The following QTGAL variants were observed in gnomAD, a reference collection of about 807,000 sequenced individuals.
QTGAL encodes the protein queuosine-tRNA galactosyltransferase.
the QTGAL span, chr17:82,942,452 G>T: frequency 6.2e-7 from 1 of 1,613,968 alleles, no homozygotes; most frequent in Non-Finnish European, 8.5e-7. Flanking sequence ...TCTTCAGCCT[G>T]GTGCCTGCTG....
At chr17:82,944,464 G>A in the QTGAL span, 9 of 152,248 alleles carry the variant, frequency 5.9e-5, no homozygotes, top group African/African-American at 2.2e-4. Context: ...ATCAAGGCAG[G>A]CAACACTGAG....
At chr17:82,974,760 C>A in the QTGAL span, among the ~76,000 whole-genome samples, 1 of 152,182 alleles carries the variant, frequency 6.6e-6, no homozygotes, top group Non-Finnish European at 1.5e-5. Flanking sequence ...GAGCTGGGTC[C>A]CCCCCACAGC....
the QTGAL span, among the ~76,000 whole-genome samples, chr17:83,027,579 G>A: frequency 1.3e-5 from 2 of 151,714 alleles, no homozygotes; most frequent in African/African-American, 2.4e-5. Flanking sequence ...GATCATGCCT[G>A]TAATCTCCAT....
the QTGAL span, among the ~76,000 whole-genome samples, chr17:83,001,425 G>GA: frequency 6.6e-6 from 1 of 152,102 alleles, no homozygotes; most frequent in Admixed American, 6.5e-5. Flanking sequence ...AAACTGTGAA[G>GA]AAAAAAGGAA....
At chr17:83,050,930 A>G in the QTGAL span, among the ~76,000 whole-genome samples, 1 of 150,358 alleles carries the variant, frequency 6.7e-6, no homozygotes, top group Admixed American at 6.6e-5. Context: ...GTGTGCAGGC[A>G]CAAGACGTGT....
chr17:83,037,905 T>C, the QTGAL span, among the ~76,000 whole-genome samples: 4 of 152,170 alleles, frequency 2.6e-5, no homozygotes, highest in East Asian at 1.9e-4. This position sits in a 1 kb window ranked among gnomAD's most constrained non-coding sequence, Gnocchi z 5.2. Context: ...GGGCTCCTGC[T>C]TGGGGAGGCC....
the QTGAL span, chr17:82,942,775 C>T: frequency 3.2e-5 from 15 of 473,300 alleles, no homozygotes; most frequent in South Asian, 3.7e-4. Context: ...AGGGGTCAGC[C>T]AGAGGGGAGG....
chr17:82,953,176 C>T, the QTGAL span, among the ~76,000 whole-genome samples: 1 of 151,980 alleles, frequency 6.6e-6, no homozygotes, highest in Non-Finnish European at 1.5e-5. Context: ...TAGCAAAAGA[C>T]AAGCAAGATC....
chr17:83,007,164 G>A, the QTGAL span: 1 of 942,420 alleles, frequency 1.1e-6, no homozygotes, highest in Non-Finnish European at 1.3e-6. Flanking sequence ...CTCGGCCATG[G>A]CTGTGTAATT....
chr17:82,957,088 G>A, the QTGAL span: 35 of 1,536,396 alleles, frequency 2.3e-5, no homozygotes, highest in Non-Finnish European at 3.0e-5. Context: ...CGGCCCAGGT[G>A]GACTCTGCCA....
At chr17:83,009,961 GGGGAGCTGTGGGGGAA>G in the QTGAL span, among the ~76,000 whole-genome samples, 84 of 147,766 alleles carry the variant, frequency 5.7e-4, 2 homozygotes, top group East Asian at 0.011. Flanking sequence ...CTGTGGGGGA[GGGGAGCTGTGGGGGAA>G]GGGAGCTGTG....
the QTGAL span, chr17:83,007,157 G>C: frequency 1.1e-6 from 1 of 924,902 alleles, no homozygotes; most frequent in Non-Finnish European, 1.3e-6. Context: ...AAACGTGCTC[G>C]GCCATGGCTG....
At chr17:82,964,403 G>C in the QTGAL span, among the ~76,000 whole-genome samples, 3 of 152,082 alleles carry the variant, frequency 2.0e-5, no homozygotes, top group African/African-American at 7.2e-5. Flanking sequence ...GAAGTGAAAA[G>C]GGTTAGAAAG....
the QTGAL span, among the ~76,000 whole-genome samples, chr17:83,044,760 A>G: frequency 4.6e-5 from 7 of 152,196 alleles, no homozygotes; most frequent in African/African-American, 1.7e-4. Context: ...CCTGGCCAAC[A>G]TGGCGAAACC....
At chr17:82,970,598 G>GTGACCTCC in the QTGAL span, among the ~76,000 whole-genome samples, 1 of 72,554 alleles carries the variant, frequency 1.4e-5, no homozygotes, top group African/African-American at 6.7e-5. Context: ...CTCCGCACCC[G>GTGACCTCC]GCGTGGCCGC....
At chr17:82,977,344 C>T in the QTGAL span, among the ~76,000 whole-genome samples, 3 of 152,146 alleles carry the variant, frequency 2.0e-5, no homozygotes, top group Admixed American at 2.0e-4. Flanking sequence ...TGAACAGTAA[C>T]ACCCCCCACC....
the QTGAL span, among the ~76,000 whole-genome samples, chr17:83,013,388 A>T: frequency 8.8e-5 from 2 of 22,756 alleles, no homozygotes; most frequent in Admixed American, 5.7e-4. Context: ...CCCCATCCCA[A>T]CCCCCCTCCC....
At chr17:82,972,374 G>C in the QTGAL span, among the ~76,000 whole-genome samples, 81 of 123,528 alleles carry the variant, frequency 6.6e-4, no homozygotes, top group East Asian at 5.2e-3. Context: ...GAAGGACCCA[G>C]TACTGACCAC....
the QTGAL span, chr17:82,950,072 A>G: frequency 6.7e-6 from 1 of 149,988 alleles, no homozygotes; most frequent in African/African-American, 2.5e-5. Flanking sequence ...TTCACACGGA[A>G]TAACCTCCAA....
Sources: gnomAD v4.1 joint callset for allele counts (sites outside exome capture counted in the v4.1 genomes callset) on GRCh38, gnomAD v4.1.1 for gene constraint, Gnocchi (gnomAD v3.1) non-coding constraint, MANE v1.5 for transcripts, NCBI Gene and HGNC (gene_info 2026-07-23, HGNC 2026-07-21) for gene names.